ERBB4: variants seen among roughly 807,000 people sequenced by gnomAD.
ERBB4 encodes the protein erb-b2 receptor tyrosine kinase 4.
A neutral mutation model predicts 158.0 loss-of-function variants in ERBB4; 42 were observed. The observed-to-expected ratio is 0.27, with a 90% CI of 0.21 to 0.34. ERBB4 has a LOEUF of 0.34. Among genes scored for constraint, ERBB4 ranks in the 10% least tolerant of loss-of-function variants. ERBB4 has a pLI of 1.00. For synonymous variants in ERBB4, 583 were observed against 558.7 expected, an observed-to-expected ratio of 1.04 and a Z score of -0.61; for missense variants, 1,333 against 1,624.1, an observed-to-expected ratio of 0.82 and a Z score of 3.08.
At chr2:211,938,741 T>C (rs1199268984) in intron 3 of ERBB4, among the ~76,000 whole-genome samples, 2 of 152,162 alleles carry the variant, frequency 1.3e-5, no homozygotes, top group African/African-American at 4.8e-5. Context: ...AGAAATATAG[T>C]ATTTACTGAG....
intron 1 of ERBB4, among the ~76,000 whole-genome samples, chr2:212,316,556 T>A (rs1360415989): frequency 6.6e-6 from 1 of 151,534 alleles, no homozygotes; most frequent in Non-Finnish European, 1.5e-5. Flanking sequence ...GAACCCCAAA[T>A]GATCCAGTGT....
At chr2:212,024,410 C>A (rs1187528159) in intron 2 of ERBB4, among the ~76,000 whole-genome samples, 2 of 151,876 alleles carry the variant, frequency 1.3e-5, no homozygotes, top group Non-Finnish European at 2.9e-5. Flanking sequence ...ACATACCCCA[C>A]CACACAGAAA....
At chr2:211,515,905 T>TATATATATATATATATATATAC (rs1559248803) in intron 20 of ERBB4, among the ~76,000 whole-genome samples, 2 of 91,078 alleles carry the variant, frequency 2.2e-5, no homozygotes, top group African/African-American at 1.1e-4. Flanking sequence ...ATTATATATA[T>TATATATATATATATATATATAC]ATATATATTT....
intron 1 of ERBB4, among the ~76,000 whole-genome samples, chr2:212,419,816 C>G (rs2091752880): frequency 6.6e-6 from 1 of 151,736 alleles, no homozygotes; most frequent in Admixed American, 6.6e-5. Context: ...TTAATAGTAT[C>G]CAAAATATTT....
chr2:211,588,794 G>A (rs1236933998), intron 19 of ERBB4, among the ~76,000 whole-genome samples: 1 of 151,962 alleles, frequency 6.6e-6, no homozygotes, highest in African/African-American at 2.4e-5. Flanking sequence ...AGTTTTAAAT[G>A]TTAGCCATTA....
At chr2:211,545,398 G>A (rs1442371141) in intron 20 of ERBB4, among the ~76,000 whole-genome samples, 1 of 151,910 alleles carries the variant, frequency 6.6e-6, no homozygotes, top group Admixed American at 6.6e-5. Flanking sequence ...ATAGAAATTA[G>A]CACAAGACTA....
chr2:212,427,111 C>A (rs1284208706), intron 1 of ERBB4, among the ~76,000 whole-genome samples: 1 of 152,070 alleles, frequency 6.6e-6, no homozygotes, highest in African/African-American at 2.4e-5. Context: ...CAACCCAACC[C>A]AGAATGCATT....
At chr2:211,718,268 G>A (rs933052332) in intron 7 of ERBB4, among the ~76,000 whole-genome samples, 1 of 152,102 alleles carries the variant, frequency 6.6e-6, no homozygotes, top group Non-Finnish European at 1.5e-5. Flanking sequence ...AGAACAAAAG[G>A]TGTTATTTAA....
intron 2 of ERBB4, among the ~76,000 whole-genome samples, chr2:211,974,570 T>C (rs1326129661): frequency 6.6e-6 from 1 of 152,146 alleles, no homozygotes; most frequent in East Asian, 1.9e-4. Context: ...TCTCCAAGAC[T>C]CCTTCCAGTT....
Position 212,083,641 on chromosome 2 carries a change from C to A in ERBB4, c.234+41111G>T, listed in dbSNP as rs191879713. ...TTTGGATTTATTACCACCCCTCCCC[C>A]CCAAAAAAAACAATGCCAGACAAAC... On this transcript the variant is annotated intron_variant, in intron 2 of 27. Transcript: ENST00000342788. 1.0e-3 allele frequency among the ~76,000 whole-genome samples: 156 copies of A among 151,682 alleles called. 1 individual carries two copies. The East Asian group carries it at 0.014, about 13-fold the overall frequency.
intron 20 of ERBB4, among the ~76,000 whole-genome samples, chr2:211,529,738 G>A (rs2066445072): frequency 6.6e-6 from 1 of 151,942 alleles, no homozygotes; most frequent in Non-Finnish European, 1.5e-5. Context: ...CAGAATAAAG[G>A]ACCAAAATTA....
intron 2 of ERBB4, among the ~76,000 whole-genome samples, chr2:212,074,854 A>G (rs975800172): frequency 1.3e-5 from 2 of 152,074 alleles, no homozygotes; most frequent in African/African-American, 4.8e-5. Context: ...TAGCGCAACC[A>G]TCTGCCCAGT....
intron 1 of ERBB4, among the ~76,000 whole-genome samples, chr2:212,536,917 G>A (rs1693102859): frequency 6.6e-6 from 1 of 152,072 alleles, no homozygotes; most frequent in African/African-American, 2.4e-5. Flanking sequence ...AAGTGGGGAG[G>A]GAGATAAAAA....
rs1329719942 is a variant in ERBB4, at chr2:212,284,786, C to T, written c.83-159883G>A. On this transcript the variant is annotated intron_variant, in intron 1 of 27. Transcript: ENST00000342788. ...TTATTTTTCCTTTGTAACCTGACCA[C>T]ATTATTTTTGAGCACTGCATAAAGG... Among the ~76,000 whole-genome samples, 3 of 147,944 alleles carry T rather than the reference C, an allele frequency of 2.0e-5. 1 individual carries two copies. The Admixed American group carries it at 2.0e-4, about 10-fold the overall frequency.
At chr2:212,153,411 G>C (rs1303513301) in intron 1 of ERBB4, among the ~76,000 whole-genome samples, 2 of 152,108 alleles carry the variant, frequency 1.3e-5, no homozygotes, top group African/African-American at 4.8e-5. Context: ...ACATCCTTCA[G>C]TGGCTACTTA....
At chr2:212,410,489 T>C (rs2091465586) in intron 1 of ERBB4, among the ~76,000 whole-genome samples, 2 of 152,042 alleles carry the variant, frequency 1.3e-5, no homozygotes, top group African/African-American at 2.4e-5. Context: ...GTTTTCTGTG[T>C]AGTTTGGAAA....
chr2:211,535,963 C>T (rs907934034), intron 20 of ERBB4, among the ~76,000 whole-genome samples: 4 of 132,226 alleles, frequency 3.0e-5, no homozygotes, highest in Admixed American at 2.4e-4. Flanking sequence ...CTTGAAGATA[C>T]ATTTCCCTGT....
At chr2:211,393,012 T>C (rs1291859601) in intron 25 of ERBB4, among the ~76,000 whole-genome samples, 1 of 152,174 alleles carries the variant, frequency 6.6e-6, no homozygotes, top group African/African-American at 2.4e-5. Flanking sequence ...CATATATGTC[T>C]CATGTACTCA....
chr2:212,141,016 T>A (rs1355707853), intron 1 of ERBB4, among the ~76,000 whole-genome samples: 1 of 151,770 alleles, frequency 6.6e-6, no homozygotes, highest in Non-Finnish European at 1.5e-5. Flanking sequence ...TCTCTTCTGA[T>A]CTCATATTTT....
Sources: allele counts gnomAD v4.1 joint callset (sites outside exome capture counted in the v4.1 genomes callset), GRCh38; gene constraint gnomAD v4.1.1; transcripts MANE v1.5; gene names NCBI Gene and HGNC (gene_info 2026-07-23, HGNC 2026-07-21).